The following ZNF563 variants were observed in gnomAD, a reference collection of about 807,000 sequenced individuals.
ZNF563 encodes the protein zinc finger protein 563.
A neutral mutation model predicts 48.5 loss-of-function variants in ZNF563; 39 were observed. The observed-to-expected ratio is 0.80, with a 90% CI of 0.62 to 1.05. The LOEUF (loss-of-function observed/expected upper bound fraction) is 1.05. ZNF563 is among the 50% of genes least tolerant of loss of function. ZNF563 has a pLI of 0.00. For missense variants in ZNF563, 538 were observed against 597.0 expected, an observed-to-expected ratio of 0.90 and a Z score of 1.03; for synonymous variants, 168 against 187.9, an observed-to-expected ratio of 0.89 and a Z score of 0.87.
Position 12,319,722 on chromosome 19 carries a change from A to G in ZNF563, c.303T>C (p.Asp101=). The change falls in exon 4 of 4, where the codon GAT becomes GAC. Residue 101 remains aspartate (D), a synonymous_variant. Coordinates refer to ENST00000293725, the MANE Select transcript of ZNF563 (RefSeq NM_145276.3). ...IVNNSICPGE[D]PCQSAECEEV... The stretch of plus-strand genomic sequence containing the variant: ...CTTCACACTCAGCGCTTTGACATGG[A>G]TCTTCTCCAGGACAAATGCTGTTGT... 1 of 1,614,100 alleles carries G rather than the reference A, an allele frequency of 6.2e-7. No homozygotes were observed. Among genetic ancestry groups the G allele is most frequent in the Non-Finnish European group, 8.5e-7 (1 of 1,180,018 alleles).
upstream of ZNF563, among the ~76,000 whole-genome samples, chr19:12,335,635 A>G (rs1049146660): frequency 6.6e-6 from 1 of 152,218 alleles, no homozygotes; most frequent in African/African-American, 2.4e-5. Context: ...TGGGTTGGAC[A>G]AGCTTGCTGT....
intron 1 of ZNF563, among the ~76,000 whole-genome samples, chr19:12,329,106 A>T (rs1968862591): frequency 6.6e-6 from 1 of 152,214 alleles, no homozygotes; most frequent in Non-Finnish European, 1.5e-5. Context: ...GAATAGCAAG[A>T]TTAATGTAAA....
At position 12,318,892 on chromosome 19, in the gene ZNF563, G is replaced by A; in HGVS notation, c.1133C>T (p.Ser378Leu). The A allele has an allele frequency of 6.2e-7, 1 of 1,614,116 alleles. No homozygotes were observed. ...CATTATCATGTGTCTTCGAAAGCTT[G>A]AGCTATGAGATAACGTTTTCCCACA... ...KQCGKTLSHS[S>L]SFRRHMIMHT... is the part of the protein sequence containing the mutation. Residue 378 changes from serine to leucine, a missense_variant, in exon 4 of 4, where the codon TCA (serine) becomes TTA (leucine). Coordinates refer to ENST00000293725, the MANE Select transcript of ZNF563 (RefSeq NM_145276.3).
rs1007240820 is a variant in ZNF563, at chr19:12,318,212, G to A, written c.*382C>T. 1.0e-4 allele frequency: 24 copies of A among 230,228 alleles called. No homozygotes were observed. The highest frequency in any genetic ancestry group is 1.7e-4 in the Non-Finnish European group (20 of 117,338). The allele number at this position is 230,228 out of a possible 1,614,324, so 14.3% of individuals were successfully genotyped here. A position where few individuals can be genotyped will look rare whatever the true frequency, so the allele number is the denominator to read the frequency against. On this transcript the variant is annotated 3_prime_UTR_variant, in exon 4 of 4. Transcript: ENST00000293725. ...AGACATGGTTTCACCATTTTGCCCA[G>A]GCAGGCCTCAAATTCCTGAGGTCAA...
rs61744368 is a variant in ZNF563, at chr19:12,333,574, G to A, written c.-92C>T. 2.3e-3 allele frequency: 3,530 copies of A among 1,567,062 alleles called. 51 individuals are homozygous for A. In the African/African-American group the frequency reaches 0.043, roughly 19 times the overall value. On this transcript the variant is annotated 5_prime_UTR_variant, in exon 1 of 4. Transcript: ENST00000293725. ...GACAGAGGCTGCCACAGACGTTCCA[G>A]GGCGTCTCTCAGCGACTGAGGCTAC... is the stretch of plus-strand genomic sequence containing the variant.
In ZNF563 at chr19:12,319,482, A is replaced by T; in HGVS notation, c.543T>A (p.Arg181=). The change falls in exon 4 of 4, where the codon CGT becomes CGA. Residue 181 remains arginine (R), a synonymous_variant. Transcript: ENST00000293725. ...CKECGKTFSS[R]RNLRRHMVVQ... The stretch of plus-strand genomic sequence containing the variant: ...CTACCATGTGTCTTCGAAGGTTTCT[A>T]CGAGAACTGAAGGTTTTTCCACATT... The T allele has an allele frequency of 6.2e-7, 1 of 1,614,176 alleles. No individual in the cohort carries two copies. The highest frequency in any genetic ancestry group is 2.2e-5 in the East Asian group (1 of 44,894).
chr19:12,323,851 C>T (rs1968700047), intron 1 of ZNF563, among the ~76,000 whole-genome samples: 1 of 152,108 alleles, frequency 6.6e-6, no homozygotes, highest in African/African-American at 2.4e-5. Flanking sequence ...TAACTGGTTT[C>T]CTCTAGACCA....
chr19:12,327,115 C>T (rs967089039), intron 1 of ZNF563, among the ~76,000 whole-genome samples: 6 of 152,072 alleles, frequency 3.9e-5, no homozygotes, highest in African/African-American at 1.4e-4. Flanking sequence ...AAGTACTATA[C>T]TAATAGGATA....
At chr19:12,322,296 C>T (rs549996654) in intron 2 of ZNF563, among the ~76,000 whole-genome samples, 7 of 152,162 alleles carry the variant, frequency 4.6e-5, no homozygotes, top group East Asian at 1.9e-4. Context: ...CCTCATGATC[C>T]GCCCACCTTG....
intron 1 of ZNF563, among the ~76,000 whole-genome samples, chr19:12,327,700 A>G (rs1337256680): frequency 1.3e-5 from 2 of 152,188 alleles, no homozygotes; most frequent in East Asian, 3.8e-4. Context: ...ACAGAGATAC[A>G]TTAAGTAGAG....
At chr19:12,345,965 T>G in the ZNF563 span, 2 of 152,128 alleles carry the variant, frequency 1.3e-5, no homozygotes, top group South Asian at 4.1e-4. Context: ...TTGGCAGTGA[T>G]TTATTGGATA....
rs1338215983 is a variant in ZNF563, at chr19:12,319,810, C to A, written c.215G>T (p.Ser72Ile). Residue 72 changes from serine to isoleucine, a missense_variant, in exon 4 of 4, where the codon AGT becomes ATT. Physicochemically the swap from Ser to Ile is moderately radical, Grantham distance 142. Transcript: ENST00000293725. ...ACACTGACTACTGTCTTTACTTTCACTGAATCTCTCTACCATATGACATCT... is the reference window on the plus strand; with the variant it reads ...ACACTGACTACTGTCTTTACTTTCAATGAATCTCTCTACCATATGACATCT... ...NLRCHMVERFSESKDSSQCGE... is the reference protein window; with the variant it reads ...NLRCHMVERFIESKDSSQCGE... 6.2e-7 allele frequency: 1 copy of A among 1,613,060 alleles called. No homozygotes were observed. The highest frequency in any genetic ancestry group is 8.5e-7 in the Non-Finnish European group (1 of 1,179,174).
chr19:12,337,492 G>A (rs572016341), upstream of ZNF563, among the ~76,000 whole-genome samples: 235 of 152,188 alleles, frequency 1.5e-3, 1 homozygote, highest in African/African-American at 5.3e-3. Context: ...TGTGAGCCAC[G>A]CTGTCTGGCC....
intron 1 of ZNF563, among the ~76,000 whole-genome samples, chr19:12,325,469 C>CAAAAAA (rs36079909): frequency 1.2e-5 from 1 of 83,412 alleles, no homozygotes. Context: ...GACTCCATCT[C>CAAAAAA]AAAAAAAAAA....
Position 12,319,758 on chromosome 19 carries a change from A to G in ZNF563, c.267T>C (p.Asp89=), listed in dbSNP as rs1403755639. ...QCGETFSLIR[D]SIVNNSICPG... ...GACAAATGCTGTTGTTCACAATACT[A>G]TCTCGAATGAGGCTAAATGTTTCTC... The change falls in exon 4 of 4, where the codon GAT becomes GAC. Residue 89 remains aspartate, a synonymous_variant. Transcript: ENST00000293725. 1.2e-6 allele frequency: 2 copies of G among 1,614,122 alleles called. No homozygotes were observed. The highest frequency in any genetic ancestry group is 2.2e-5 in the South Asian group (2 of 91,084).
chr19:12,332,735 T>G (rs1968954358), intron 1 of ZNF563, among the ~76,000 whole-genome samples: 1 of 152,142 alleles, frequency 6.6e-6, no homozygotes, highest in African/African-American at 2.4e-5. Context: ...GCCTTGGCAC[T>G]CTGCTGCCTT....
chr19:12,329,163 A>G (rs563637556), intron 1 of ZNF563, among the ~76,000 whole-genome samples: 61 of 152,306 alleles, frequency 4.0e-4, no homozygotes, highest in Middle Eastern at 6.8e-3. Flanking sequence ...ATGAAATAGC[A>G]ATCAAGAAAT....
At chr19:12,336,618 CT>C (rs1969023751), upstream of ZNF563, among the ~76,000 whole-genome samples, 2 of 152,184 alleles carry the variant, frequency 1.3e-5, no homozygotes. Flanking sequence ...ACAAAACCAA[CT>C]GGTAAATAAT....
At position 12,321,254 on chromosome 19, in the gene ZNF563, C is replaced by T; in HGVS notation, c.191+18G>A. The T allele has an allele frequency of 6.5e-7, 1 of 1,542,730 alleles. No homozygotes were observed. The highest frequency in any genetic ancestry group is 8.8e-7 in the Non-Finnish European group (1 of 1,136,262). ...AATCACTTCAGAAACATAACTTTCT[C>T]CTGTGAGTGCAAATTACCTTAGATT... On this transcript the variant is annotated intron_variant, in intron 3 of 3. Transcript: ENST00000293725.
Sources: allele counts gnomAD v4.1 joint callset (sites outside exome capture counted in the v4.1 genomes callset), GRCh38; gene constraint gnomAD v4.1.1; transcripts MANE v1.5; gene names NCBI Gene and HGNC (gene_info 2026-07-23, HGNC 2026-07-21).